The following ADAMTS16 variants were observed in gnomAD, a reference collection of about 807,000 sequenced individuals.
The protein encoded by ADAMTS16 is A disintegrin and metalloproteinase with thrombospondin motifs 16.
ADAMTS16 carries 94 observed loss-of-function variants against 145.8 expected under a neutral mutation model. The observed-to-expected ratio is 0.64, with a 90% CI of 0.55 to 0.77. The LOEUF is 0.77. ADAMTS16 is among the 30% of genes least tolerant of loss of function. The pLI, the probability that ADAMTS16 is intolerant of heterozygous loss-of-function variation, is 0.00. For missense variants in ADAMTS16, 1,585 were observed against 1,591.5 expected, an observed-to-expected ratio of 1.00 and a Z score of 0.07; for synonymous variants, 659 against 604.3, an observed-to-expected ratio of 1.09 and a Z score of -1.33.
chr5:5,208,569 A>G (rs1366315538), intron 9 of ADAMTS16, among the ~76,000 whole-genome samples: 1 of 152,200 alleles, frequency 6.6e-6, no homozygotes, highest in East Asian at 1.9e-4. Flanking sequence ...CTGAGCACAG[A>G]GCATTGCTGG....
At chr5:5,173,515 C>G (rs779273558) in intron 3 of ADAMTS16, among the ~76,000 whole-genome samples, 1 of 151,874 alleles carries the variant, frequency 6.6e-6, no homozygotes, top group Admixed American at 6.6e-5. Flanking sequence ...ACTCTGTCCC[C>G]CAGGCTCGAG....
At chr5:5,200,999 T>G (rs1218412749) in intron 9 of ADAMTS16, among the ~76,000 whole-genome samples, 1 of 152,202 alleles carries the variant, frequency 6.6e-6, no homozygotes, top group African/African-American at 2.4e-5. Context: ...CTCTTTGGCT[T>G]TGAGTTTGAA....
At chr5:5,141,291 T>C (rs1323385557) in intron 2 of ADAMTS16, among the ~76,000 whole-genome samples, 1 of 152,222 alleles carries the variant, frequency 6.6e-6, no homozygotes, top group Non-Finnish European at 1.5e-5. Context: ...ACTTCAAACA[T>C]AATAGTGCCT....
chr5:5,191,617 A>G, intron 7 of ADAMTS16, 68 bp from the exon 8 acceptor site: 1 of 1,345,018 alleles, frequency 7.4e-7, no homozygotes, highest in Non-Finnish European at 1.1e-6. Flanking sequence ...AGGGGTAGAA[A>G]ATAAATATAC....
chr5:5,295,102 A>AT (rs1739479844), intron 18 of ADAMTS16, among the ~76,000 whole-genome samples: 1 of 152,214 alleles, frequency 6.6e-6, no homozygotes, highest in Non-Finnish European at 1.5e-5. Context: ...TGGCCCAAGC[A>AT]TTTTTTTGAG....
chr5:5,280,446 T>C (rs1005455119), intron 18 of ADAMTS16, among the ~76,000 whole-genome samples: 1 of 152,190 alleles, frequency 6.6e-6, no homozygotes, highest in African/African-American at 2.4e-5. Context: ...TATGACTACT[T>C]AGTTGGAGGT....
intron 11 of ADAMTS16, among the ~76,000 whole-genome samples, chr5:5,226,603 A>G (rs1009974408): frequency 1.3e-5 from 2 of 152,076 alleles, no homozygotes; most frequent in African/African-American, 2.4e-5. Context: ...GTTGGTTTGC[A>G]TGTACCCCTG....
chr5:5,162,292 C>T (rs372986527), intron 3 of ADAMTS16, among the ~76,000 whole-genome samples: 3 of 152,148 alleles, frequency 2.0e-5, no homozygotes. Context: ...TTATGAGAAA[C>T]ATTTTTATTC....
chr5:5,245,041 A>G (rs1834928), intron 17 of ADAMTS16, among the ~76,000 whole-genome samples: 21,736 of 152,168 alleles, frequency 0.14, 1,650 homozygotes, highest in South Asian at 0.18. Context: ...TCATTACTCA[A>G]TTTTAAGTGG....
intron 21 of ADAMTS16, among the ~76,000 whole-genome samples, chr5:5,308,162 G>C (rs1243722485): frequency 1.3e-5 from 2 of 152,062 alleles, no homozygotes; most frequent in Non-Finnish European, 1.5e-5. Context: ...AGCCTTTCCC[G>C]CATCCTCCGT....
chr5:5,242,368 C>A (rs536940342), intron 17 of ADAMTS16, among the ~76,000 whole-genome samples, 177 bp downstream of exon 17: 1 of 152,322 alleles, frequency 6.6e-6, no homozygotes, highest in South Asian at 2.1e-4. Flanking sequence ...GCCCGAGCTG[C>A]CTTCTCCAGT....
In ADAMTS16 at chr5:5,310,651, G is replaced by A. The variant is rs181949940; in HGVS notation, c.3411+3923G>A. Among the ~76,000 whole-genome samples the A allele has an allele frequency of 4.6e-5, 7 of 152,234 alleles. No homozygotes were observed. The highest frequency in any genetic ancestry group is 1.4e-4 in the African/African-American group (6 of 41,542). On this transcript the variant is annotated intron_variant, in intron 21 of 22. Coordinates refer to ENST00000274181, the MANE Select transcript of ADAMTS16 (RefSeq NM_139056.4). This position sits in a 1 kb window ranked among gnomAD's most constrained non-coding sequence, Gnocchi z 4.3. ...TGGTGCCCATATGACAAAGAACACC[G>A]AGGACTGCCAGCACCACCAGATTCT...
intron 21 of ADAMTS16, among the ~76,000 whole-genome samples, chr5:5,312,192 A>G (rs1223998303): frequency 6.6e-6 from 1 of 152,160 alleles, no homozygotes; most frequent in African/African-American, 2.4e-5. Flanking sequence ...GTTGTGGGCC[A>G]GCTCCACCTC....
intron 9 of ADAMTS16, among the ~76,000 whole-genome samples, chr5:5,204,719 A>G (rs1257648763): frequency 6.6e-6 from 1 of 152,194 alleles, no homozygotes. Flanking sequence ...ATTTTTGGCG[A>G]TTACAAGGAA....
In ADAMTS16 at chr5:5,200,211, C is replaced by T. The variant is rs762198703; in HGVS notation, c.1393C>T (p.Arg465Cys). 81 of 1,614,118 alleles carry T rather than the reference C, an allele frequency of 5.0e-5. No homozygotes were observed. Among genetic ancestry groups the T allele is most frequent in the South Asian group, 2.5e-4 (23 of 91,082 alleles). Residue 465 changes from arginine (R) to cysteine (C), a missense_variant, in exon 9 of 23, where the codon CGC becomes TGC. Coordinates refer to ENST00000274181, the MANE Select transcript of ADAMTS16 (RefSeq NM_139056.4). Reference protein sequence around the residue: ...GNIMSPTLAGRNGVFSWSPCS... With the variant: ...GNIMSPTLAGCNGVFSWSPCS... Reference sequence around the variant, plus strand: ...CATCATGTCCCCTACATTGGCAGGACGCAATGGAGTCTTCTCCTGGTCACC... The same window carrying T: ...CATCATGTCCCCTACATTGGCAGGATGCAATGGAGTCTTCTCCTGGTCACC...
chr5:5,146,690 G>A (rs1184057433), intron 3 of ADAMTS16, among the ~76,000 whole-genome samples: 2 of 152,196 alleles, frequency 1.3e-5, no homozygotes, highest in Admixed American at 6.5e-5. Context: ...AATTATTGTG[G>A]ACGAGCACTT....
rs200419820 is a variant in ADAMTS16 at position 5,212,189 on chromosome 5, G to GTTTTTTTTTTTTTT, written c.1605+2943_1605+2944insTTTTTTTTTTTTTT. On this transcript the variant is annotated intron_variant, in intron 10 of 22. Transcript: ENST00000274181. ...TCATGTTAGTACTATTAGTTTCTGG[G>GTTTTTTTTTTTTTT]GTTTTTTTTGTTTTGTTTTGTTTTG... Among the ~76,000 whole-genome samples the GTTTTTTTTTTTTTT allele has an allele frequency of 8.1e-5, 8 of 98,718 alleles. 2 individuals are homozygous for GTTTTTTTTTTTTTT. The highest frequency in any genetic ancestry group is 2.9e-5 in the African/African-American group (1 of 33,926). The allele number at this position is 98,718 out of a possible 152,430, so 64.8% of individuals were successfully genotyped here.
chr5:5,197,027 G>T (rs542734783), intron 8 of ADAMTS16, among the ~76,000 whole-genome samples: 10 of 152,302 alleles, frequency 6.6e-5, no homozygotes, highest in Admixed American at 6.5e-4. Flanking sequence ...AGGGTGAGCT[G>T]TGCTTCTCCA....
At chr5:5,213,505 T>C (rs1736332039) in intron 10 of ADAMTS16, among the ~76,000 whole-genome samples, 1 of 152,222 alleles carries the variant, frequency 6.6e-6, no homozygotes, top group Admixed American at 6.5e-5. Context: ...TCTCTACTTT[T>C]CCTTGAATAG....
Sources: allele counts gnomAD v4.1 joint callset (sites outside exome capture counted in the v4.1 genomes callset), GRCh38; gene constraint gnomAD v4.1.1; non-coding constraint Gnocchi (gnomAD v3.1); transcripts MANE v1.5; gene names NCBI Gene and HGNC (gene_info 2026-07-23, HGNC 2026-07-21).